BACH2: variants seen among roughly 807,000 people sequenced by gnomAD.
BACH2 encodes transcription regulator protein BACH2.
In BACH2, 5 loss-of-function variants were observed where a neutral mutation model predicts 61.8. That is an observed-to-expected ratio of 0.08 (90% confidence interval 0.04 to 0.17). BACH2 has a LOEUF of 0.17. BACH2 is among the 10% of genes least tolerant of loss of function. The pLI is 1.00. For missense variants in BACH2, 824 were observed against 1,091.1 expected (o/e 0.76, Z 3.45); for synonymous variants, 446 against 440.1 (o/e 1.01, Z -0.17).
chr6:90,232,219 G>A (rs908012861), intron 3 of BACH2, among the ~76,000 whole-genome samples: 4 of 152,004 alleles, frequency 2.6e-5, no homozygotes, highest in African/African-American at 9.7e-5. Context: ...GGTATAATGG[G>A]GTCAAAACCT....
intron 5 of BACH2, among the ~76,000 whole-genome samples, chr6:90,054,504 C>T (rs1780222688): frequency 6.6e-6 from 1 of 152,208 alleles, no homozygotes; most frequent in Non-Finnish European, 1.5e-5. Context: ...CCCACCACAG[C>T]TCAAGGAGGC....
At chr6:90,017,140 T>C (rs898410240) in intron 5 of BACH2, among the ~76,000 whole-genome samples, 19 of 152,300 alleles carry the variant, frequency 1.2e-4, no homozygotes, top group African/African-American at 4.3e-4. Context: ...GGGAGTTACA[T>C]ATAATATTAG....
At position 90,097,134 on chromosome 6, in the gene BACH2, A is replaced by T. The variant is rs747132918; in HGVS notation, c.-161-8025T>A. The stretch of plus-strand genomic sequence containing the variant: ...CTTCCCAGGTCCAAGCTCATGGATG[A>T]CTCTTGGCAGGCTGGGGAAGAGAAA... On this transcript the variant is annotated intron_variant, in intron 4 of 8. Transcript: ENST00000257749. Among the ~76,000 whole-genome samples the T allele has an allele frequency of 5.3e-5, 8 of 152,164 alleles. No individual in the cohort carries two copies. The East Asian group carries it at 1.4e-3, about 26-fold the overall frequency.
Position 90,199,917 on chromosome 6 carries a change from T to C in BACH2, c.-162+6652A>G, listed in dbSNP as rs560105903. ...TCTTGTTAGAGGAAAGCCTGCCACA[T>C]ATAAGACATAGGCACAGTCTAACTC... On this transcript the variant is annotated intron_variant, in intron 4 of 8. Coordinates refer to ENST00000257749, the MANE Select transcript of BACH2 (RefSeq NM_021813.4). 5.9e-5 allele frequency among the ~76,000 whole-genome samples: 9 copies of C among 152,340 alleles called. 1 individual carries two copies. In the South Asian group the frequency reaches 1.7e-3, roughly 28 times the overall value.
chr6:90,277,690 T>C (rs1771738571), intron 1 of BACH2, among the ~76,000 whole-genome samples: 2 of 152,212 alleles, frequency 1.3e-5, no homozygotes, highest in Admixed American at 1.3e-4. Flanking sequence ...GAAACAGACT[T>C]ACAGGAATGA....
intron 3 of BACH2, among the ~76,000 whole-genome samples, chr6:90,221,220 C>T (rs1426897907): frequency 6.6e-6 from 1 of 152,086 alleles, no homozygotes; most frequent in Non-Finnish European, 1.5e-5. Context: ...TTATACTGTC[C>T]TTTTATACTT....
intron 5 of BACH2, among the ~76,000 whole-genome samples, chr6:90,048,984 T>C (rs1222967516): frequency 6.6e-6 from 1 of 152,186 alleles, no homozygotes; most frequent in Non-Finnish European, 1.5e-5. Context: ...ATTGTGTTAA[T>C]GTAAGCAAAA....
chr6:90,073,293 C>T (rs773977786), intron 5 of BACH2, among the ~76,000 whole-genome samples: 7 of 152,074 alleles, frequency 4.6e-5, no homozygotes, highest in Non-Finnish European at 8.8e-5. Flanking sequence ...ACTGACTCTG[C>T]GAGAATCTAA....
At position 90,085,416 on chromosome 6, in the gene BACH2, A is replaced by C. The variant is rs760812631; in HGVS notation, c.-13+3545T>G. ...CTGGGACTCTCTCTGTGCTCTGTGC[A>C]TGGACTGGTTTACAAACACCCATCT... On this transcript the variant is annotated intron_variant, in intron 5 of 8. Transcript: ENST00000257749. Among the ~76,000 whole-genome samples the C allele has an allele frequency of 2.6e-5, 4 of 152,172 alleles. No individual in the cohort carries two copies. The South Asian group carries it at 8.3e-4, about 31-fold the overall frequency.
intron 4 of BACH2, among the ~76,000 whole-genome samples, chr6:90,180,462 T>C (rs959063384): frequency 3.9e-5 from 6 of 152,162 alleles, no homozygotes; most frequent in Non-Finnish European, 5.9e-5. Flanking sequence ...CCTGGGATTT[T>C]AGTGTACCTG....
intron 5 of BACH2, among the ~76,000 whole-genome samples, chr6:90,053,880 G>A (rs547304056): frequency 1.3e-5 from 2 of 152,202 alleles, no homozygotes; most frequent in Admixed American, 6.5e-5. Context: ...GTTTTACTAC[G>A]GTATAAAAAG....
intron 4 of BACH2, among the ~76,000 whole-genome samples, chr6:90,119,597 C>T (rs957119388): frequency 6.6e-6 from 1 of 151,826 alleles, no homozygotes; most frequent in Non-Finnish European, 1.5e-5. Context: ...TATACTGTTA[C>T]CCAGCACATA....
In BACH2 at chr6:90,097,113, C is replaced by T. The variant is rs75000946; in HGVS notation, c.-161-8004G>A. ...TCTTTCTCCTGTCTGCCCTCTCTTC[C>T]CAGGTCCAAGCTCATGGATGACTCT... On this transcript the variant is annotated intron_variant, in intron 4 of 8. Transcript: ENST00000257749. 5.0e-3 allele frequency among the ~76,000 whole-genome samples: 768 copies of T among 152,286 alleles called. 36 individuals are homozygous for T. The East Asian group carries it at 0.12, about 23-fold the overall frequency.
chr6:89,931,669 C>T lies in BACH2; in HGVS notation c.*739G>A, dbSNP rs1295408260. 9 of 152,676 alleles carry T rather than the reference C, an allele frequency of 5.9e-5. No homozygotes were observed. The East Asian group carries it at 1.7e-3, about 29-fold the overall frequency. The allele number at this position is 152,676 out of a possible 1,614,324, so 9.5% of individuals were successfully genotyped here. Reference sequence around the variant, plus strand: ...AACCTACAATGCTCAAATGACACCACTTGGAGGTGCCAAAACCAAACCAAA... The same window carrying T: ...AACCTACAATGCTCAAATGACACCATTTGGAGGTGCCAAAACCAAACCAAA... On this transcript the variant is annotated 3_prime_UTR_variant, in exon 9 of 9. Transcript: ENST00000257749.
intron 3 of BACH2, among the ~76,000 whole-genome samples, chr6:90,251,647 T>G (rs534618274): frequency 6.6e-6 from 1 of 152,260 alleles, no homozygotes; most frequent in South Asian, 2.1e-4. Context: ...TTGCCCTCTC[T>G]CTTTCTAACT....
intron 4 of BACH2, among the ~76,000 whole-genome samples, chr6:90,173,546 T>A: frequency 6.6e-6 from 1 of 152,164 alleles, no homozygotes; most frequent in East Asian, 1.9e-4. Flanking sequence ...TCAAAGGCAT[T>A]ATACTAAGTG....
chr6:90,157,986 T>A (rs1785051485), intron 4 of BACH2, among the ~76,000 whole-genome samples: 1 of 152,056 alleles, frequency 6.6e-6, no homozygotes, highest in South Asian at 2.1e-4. Flanking sequence ...GAAAGGTATG[T>A]GGTGTCATGA....
intron 4 of BACH2, among the ~76,000 whole-genome samples, chr6:90,118,470 G>T (rs1224496363): frequency 6.6e-6 from 1 of 152,182 alleles, no homozygotes; most frequent in Non-Finnish European, 1.5e-5. Flanking sequence ...CACTGGGAGA[G>T]TTTATTCCTT....
At chr6:89,933,670 G>A (rs1772824699) in intron 8 of BACH2, among the ~76,000 whole-genome samples, 1 of 152,146 alleles carries the variant, frequency 6.6e-6, no homozygotes, top group Non-Finnish European at 1.5e-5. Context: ...CAGTTTTGCT[G>A]TGAACCTAAA....
Sources: allele counts gnomAD v4.1 joint callset (sites outside exome capture counted in the v4.1 genomes callset), GRCh38; gene constraint gnomAD v4.1.1; transcripts MANE v1.5; gene names NCBI Gene and HGNC (gene_info 2026-07-23, HGNC 2026-07-21).